MARCHF1: variants seen among roughly 807,000 people sequenced by gnomAD.
The protein encoded by MARCHF1 is membrane associated ring-CH-type finger 1.
A neutral mutation model predicts 54.2 loss-of-function variants in MARCHF1; 40 were observed. The ratio of observed to expected loss-of-function variants is 0.74; its 90% CI spans 0.57 to 0.96. The LOEUF (loss-of-function observed/expected upper bound fraction) is 0.96. MARCHF1 is among the 40% of genes least tolerant of loss of function. MARCHF1 has a pLI of 0.00. For synonymous variants in MARCHF1, 236 were observed against 236.3 expected (o/e 1.00, Z 0.01); for missense variants, 586 against 656.5 (o/e 0.89, Z 1.17).
chr4:163,552,245 C>T (rs1000486608), intron 8 of MARCHF1, among the ~76,000 whole-genome samples: 14 of 152,160 alleles, frequency 9.2e-5, no homozygotes, highest in Non-Finnish European at 1.8e-4. Context: ...TTAGGATCTG[C>T]AATCCAAAGG....
At position 163,780,851 on chromosome 4, in the gene MARCHF1, C is replaced by G. The variant is rs373886406; in HGVS notation, c.111+73170G>C. On this transcript the variant is annotated intron_variant, in intron 4 of 9. Transcript: ENST00000514618. Reference sequence around the variant, plus strand: ...ACAGCAGTGTCCATATGACCCAGGCCTGGCCAAAAAGAGTGCCACCTCACA... The same window carrying G: ...ACAGCAGTGTCCATATGACCCAGGCGTGGCCAAAAAGAGTGCCACCTCACA... 1.6e-4 allele frequency among the ~76,000 whole-genome samples: 25 copies of G among 152,272 alleles called. No homozygotes were observed. The East Asian group carries it at 2.3e-3, about 14-fold the overall frequency.
At chr4:164,278,059 A>C (rs1733930185) in intron 1 of MARCHF1, among the ~76,000 whole-genome samples, 1 of 152,176 alleles carries the variant, frequency 6.6e-6, no homozygotes, top group African/African-American at 2.4e-5. Flanking sequence ...TATGTCTGTA[A>C]TATCAGCATG....
intron 3 of MARCHF1, among the ~76,000 whole-genome samples, chr4:163,906,564 C>T (rs1049087203): frequency 2.6e-5 from 4 of 151,776 alleles, no homozygotes; most frequent in Admixed American, 2.0e-4. Flanking sequence ...GATAAATATA[C>T]ACCCATGAAG....
intron 1 of MARCHF1, among the ~76,000 whole-genome samples, chr4:164,272,676 G>GA (rs199790283): frequency 0.089 from 13,520 of 151,438 alleles, 808 homozygotes; most frequent in Non-Finnish European, 0.13. Flanking sequence ...ATTTCAATTG[G>GA]AAAAAAAATA....
chr4:164,220,252 G>T (rs936458899), intron 1 of MARCHF1, among the ~76,000 whole-genome samples: 2 of 144,224 alleles, frequency 1.4e-5, no homozygotes, highest in Non-Finnish European at 3.0e-5. Context: ...ACACACATAC[G>T]TATATATACA....
chr4:164,022,384 G>C (rs985309021), intron 2 of MARCHF1, among the ~76,000 whole-genome samples: 4 of 152,196 alleles, frequency 2.6e-5, no homozygotes, highest in African/African-American at 9.6e-5. Context: ...TCTTTGGATA[G>C]AGAACACTGA....
chr4:164,064,155 G>T (rs537128958), intron 2 of MARCHF1, among the ~76,000 whole-genome samples: 1 of 152,164 alleles, frequency 6.6e-6, no homozygotes, highest in South Asian at 2.1e-4. Context: ...CTCTTTGTTT[G>T]GTTCCATATG....
intron 1 of MARCHF1, chr4:164,197,714 C>G: frequency 6.2e-7 from 1 of 1,611,816 alleles, no homozygotes. Context: ...ATCTCCATCT[C>G]TCGCGCTCTC....
intron 2 of MARCHF1, among the ~76,000 whole-genome samples, chr4:164,094,595 C>T (rs1755369603): frequency 6.6e-6 from 1 of 152,024 alleles, no homozygotes; most frequent in Non-Finnish European, 1.5e-5. Flanking sequence ...CAAGTATCTC[C>T]AAAGACTGAG....
At chr4:163,643,282 G>A (rs1742628391) in intron 5 of MARCHF1, among the ~76,000 whole-genome samples, 1 of 149,104 alleles carries the variant, frequency 6.7e-6, no homozygotes, top group Admixed American at 6.7e-5. Flanking sequence ...GAGCCGAGAT[G>A]GCACCACTGC....
intron 8 of MARCHF1, among the ~76,000 whole-genome samples, chr4:163,559,957 C>T (rs1739414039): frequency 6.6e-6 from 1 of 152,086 alleles, no homozygotes; most frequent in Non-Finnish European, 1.5e-5. Flanking sequence ...TCTCAGATTT[C>T]TTTATTTATG....
chr4:164,092,867 CAG>C (rs1010862772), intron 2 of MARCHF1, among the ~76,000 whole-genome samples: 6 of 152,076 alleles, frequency 3.9e-5, no homozygotes, highest in African/African-American at 1.4e-4. Context: ...GTCTAGAACA[CAG>C]GGGATTTTCT....
intron 4 of MARCHF1, among the ~76,000 whole-genome samples, chr4:163,711,678 C>G (rs1745109202): frequency 6.6e-6 from 1 of 152,186 alleles, no homozygotes; most frequent in Non-Finnish European, 1.5e-5. Context: ...AAAAATGCCT[C>G]TCTTTCTCTG....
At chr4:163,788,331 C>T (rs114734442) in intron 4 of MARCHF1, among the ~76,000 whole-genome samples, 3,658 of 151,570 alleles carry the variant, frequency 0.024, 63 homozygotes, top group Non-Finnish European at 0.03. Flanking sequence ...AGCATTTTAC[C>T]GATGAATAAT....
At chr4:163,970,007 A>G (rs1260195858) in intron 3 of MARCHF1, among the ~76,000 whole-genome samples, 1 of 152,174 alleles carries the variant, frequency 6.6e-6, no homozygotes, top group Non-Finnish European at 1.5e-5. Flanking sequence ...CAGGAGGATG[A>G]TAATTAGGGC....
intron 4 of MARCHF1, among the ~76,000 whole-genome samples, chr4:163,826,791 A>G (rs1748860717): frequency 6.6e-6 from 1 of 152,072 alleles, no homozygotes; most frequent in Non-Finnish European, 1.5e-5. Context: ...ATTTATGCTC[A>G]TCTCTGCATA....
At chr4:163,750,263 G>C (rs1015141542) in intron 4 of MARCHF1, among the ~76,000 whole-genome samples, 1 of 151,968 alleles carries the variant, frequency 6.6e-6, no homozygotes, top group Non-Finnish European at 1.5e-5. Flanking sequence ...TGTAATCCCA[G>C]CAATTTGGGA....
intron 1 of MARCHF1, among the ~76,000 whole-genome samples, chr4:164,277,515 G>A (rs186405383): frequency 2.6e-5 from 4 of 152,176 alleles, no homozygotes; most frequent in African/African-American, 9.6e-5. Flanking sequence ...TATAGACTTC[G>A]TTGCATCACA....
intron 1 of MARCHF1, among the ~76,000 whole-genome samples, chr4:164,273,370 A>G (rs10011614): frequency 0.64 from 97,306 of 151,980 alleles, 32,850 homozygotes; most frequent in Non-Finnish European, 0.77. Context: ...CCATGATTCA[A>G]TTACCTCCAC....
Sources: allele counts gnomAD v4.1 joint callset (sites outside exome capture counted in the v4.1 genomes callset), GRCh38; gene constraint gnomAD v4.1.1; transcripts MANE v1.5; gene names NCBI Gene and HGNC (gene_info 2026-07-23, HGNC 2026-07-21).